Variants in NBR1 observed in about 807,000 individuals in gnomAD.
NBR1 encodes NBR1 autophagy cargo receptor.
NBR1 carries 59 observed loss-of-function variants against 115.5 expected under a neutral mutation model. The observed-to-expected ratio is 0.51, with a 90% CI of 0.41 to 0.63. The LOEUF is 0.63. NBR1 is among the 30% of genes least tolerant of loss of function. The pLI is 0.00. For synonymous variants in NBR1, 373 were observed against 414.7 expected (o/e 0.90, Z 1.22); for missense variants, 1,043 against 1,150.5 (o/e 0.91, Z 1.35).
intron 6 of NBR1, among the ~76,000 whole-genome samples, chr17:43,187,209 C>T (rs1196323247): frequency 1.3e-5 from 2 of 152,080 alleles, no homozygotes. Flanking sequence ...AACGGAGTCT[C>T]ACTCTGTTGC....
At chr17:43,172,048 G>A (rs2056386496) in intron 1 of NBR1, among the ~76,000 whole-genome samples, 1 of 151,978 alleles carries the variant, frequency 6.6e-6, no homozygotes, top group African/African-American at 2.4e-5. Context: ...AAGGGATTTT[G>A]TTGAGGCTGA....
rs2056799924 is a variant in NBR1, at chr17:43,186,318, C to A, written c.276C>A (p.Ala92=). 1 of 1,592,488 alleles carries A rather than the reference C, an allele frequency of 6.3e-7. No homozygotes were observed. The highest frequency in any genetic ancestry group is 8.6e-7 in the Non-Finnish European group (1 of 1,169,550). Residue 92 remains alanine (A), a synonymous_variant, in exon 6 of 21, where the codon GCC becomes GCA. Coordinates refer to ENST00000590996, the MANE Select transcript of NBR1 (RefSeq NM_005899.5). ...VHEGHHVVDE[A]PPPVVGAKRL... ...AAGGGCACCATGTCGTTGATGAAGC[C>A]CCACCCCCAGTTGTAGGAGCAAAAC...
chr17:43,177,961 C>T lies in NBR1; in HGVS notation c.128C>T (p.Thr43Ile), dbSNP rs2056564332. ...GTAAAAGTTTCATTTGATCTGAATA[C>T]TATTCAAATAAAATACCTGGATGAG... is the stretch of plus-strand genomic sequence containing the variant. ...AMVKVSFDLN[T>I]IQIKYLDEEN... The change falls in exon 3 of 21, where the codon ACT becomes ATT. Residue 43 changes from threonine (T) to isoleucine (I), a missense_variant. Thr to Ile is a moderately conservative substitution (Grantham distance 89). Transcript: ENST00000590996. 2 of 1,556,616 alleles carry T rather than the reference C, an allele frequency of 1.3e-6. No individual in the cohort carries two copies. Among genetic ancestry groups the T allele is most frequent in the African/African-American group, 1.4e-5 (1 of 73,798 alleles).
rs1419458815 is a variant in NBR1, at chr17:43,194,463, G to C, written c.1638G>C (p.Glu546Asp). ...CAAAAAATGTTGCCAGTGAGAGGGA[G>C]CTCTACATCCCATCTGTGGATCTTC... ...QKAKNVASER[E>D]LYIPSVDLLT... The change falls in exon 13 of 21, where the codon GAG (glutamate) becomes GAC (aspartate). Residue 546 changes from glutamate to aspartate, a missense_variant. Coordinates refer to ENST00000590996, the MANE Select transcript of NBR1 (RefSeq NM_005899.5). 1.9e-6 allele frequency: 3 copies of C among 1,614,008 alleles called. No homozygotes were observed. In the South Asian group the frequency reaches 3.3e-5, roughly 18 times the overall value.
At position 43,190,735 on chromosome 17, in the gene NBR1, G is replaced by A. The variant is rs371532506; in HGVS notation, c.822G>A (p.Lys274=). Residue 274 remains lysine (K), a synonymous_variant, in exon 9 of 21, where the codon AAG becomes AAA. Transcript: ENST00000590996. ...CCTCTGAACCGTTCTGTCACTCAAAGTACTCTACTCCTCGTCTTCCTGCTG... is the reference window on the plus strand; with the variant it reads ...CCTCTGAACCGTTCTGTCACTCAAAATACTCTACTCCTCGTCTTCCTGCTG... ...VGSSEPFCHS[K]YSTPRLPAAL... The A allele has an allele frequency of 4.2e-5, 68 of 1,613,008 alleles. No individual in the cohort carries two copies. In the African/African-American group the frequency reaches 8.5e-4, roughly 20 times the overall value.
intron 15 of NBR1, 71 bp from the exon 16 acceptor site, chr17:43,196,871 T>C: frequency 6.5e-7 from 1 of 1,536,964 alleles, no homozygotes; most frequent in Non-Finnish European, 8.9e-7. Context: ...AGTTTTAGCA[T>C]GGGTAATGAC....
At chr17:43,171,056 A>G (rs1025953051), upstream of NBR1, 2 of 152,384 alleles carry the variant, frequency 1.3e-5, no homozygotes, top group African/African-American at 2.4e-5. Flanking sequence ...AATGTTTGTT[A>G]TTGTTGTTCG....
At chr17:43,182,538 T>C (rs2056697252) in intron 5 of NBR1, among the ~76,000 whole-genome samples, 1 of 151,552 alleles carries the variant, frequency 6.6e-6, no homozygotes, top group Non-Finnish European at 1.5e-5. Flanking sequence ...CTCTGTTCTC[T>C]ATAGCCCATA....
chr17:43,195,156 G>T, intron 14 of NBR1, 117 bp downstream of exon 14: 1 of 788,676 alleles, frequency 1.3e-6, no homozygotes, highest in Admixed American at 2.6e-5. Context: ...CCCACAGTAG[G>T]ATAGTAAAGC....
At chr17:43,175,770 C>T (rs955946734) in intron 1 of NBR1, 21 bp from the exon 2 acceptor site, 6 of 1,198,316 alleles carry the variant, frequency 5.0e-6, no homozygotes, top group Non-Finnish European at 7.3e-6. Flanking sequence ...CTCTCTCTCC[C>T]ACCAACCTTC....
At chr17:43,185,735 G>T (rs1172638100) in intron 5 of NBR1, among the ~76,000 whole-genome samples, 1 of 152,068 alleles carries the variant, frequency 6.6e-6, no homozygotes, top group Non-Finnish European at 1.5e-5. Flanking sequence ...GGTGGCTCAT[G>T]CCTGTAATCT....
intron 20 of NBR1, 176 bp from the exon 21 acceptor site, chr17:43,209,725 T>A: frequency 2.6e-6 from 4 of 1,527,926 alleles, no homozygotes; most frequent in Non-Finnish European, 3.5e-6. Flanking sequence ...GCCTTCCCAG[T>A]CCGAACCGTT....
rs564816461 is a variant in NBR1 at position 43,210,163 on chromosome 17, T to A, written c.*89T>A. ...TATGGGATAGAAGCCCTTGCTTATT[T>A]TTAATCTGATGAATCTGTATAGAGC... is the stretch of plus-strand genomic sequence containing the variant. On this transcript the variant is annotated 3_prime_UTR_variant, in exon 21 of 21. Coordinates refer to ENST00000590996, the MANE Select transcript of NBR1 (RefSeq NM_005899.5). 586 of 1,287,370 alleles carry A rather than the reference T, an allele frequency of 4.6e-4. 2 individuals carry two copies. The African/African-American group carries it at 7.5e-3, about 16-fold the overall frequency. The allele number at this position is 1,287,370 out of a possible 1,614,324, so 79.7% of individuals were successfully genotyped here.
chr17:43,192,909 T>G (rs1236470509), intron 10 of NBR1, among the ~76,000 whole-genome samples, 185 bp from the exon 11 acceptor site: 2 of 152,150 alleles, frequency 1.3e-5, no homozygotes, highest in Non-Finnish European at 2.9e-5. Context: ...TTTTATTGTT[T>G]TAAGTTTGTC....
chr17:43,205,562 G>A (rs542028983), intron 20 of NBR1, among the ~76,000 whole-genome samples: 6 of 152,148 alleles, frequency 3.9e-5, no homozygotes, highest in South Asian at 2.1e-4. Flanking sequence ...GTGTGAATCC[G>A]GTCTAAGAAG....
intron 5 of NBR1, among the ~76,000 whole-genome samples, chr17:43,184,035 G>A (rs536264805): frequency 4.0e-5 from 6 of 151,180 alleles, no homozygotes; most frequent in South Asian, 2.1e-4. Flanking sequence ...AAATCACTTC[G>A]ATATATTTTT....
rs530084812 is a variant in NBR1 at position 43,193,199 on chromosome 17, C to G, written c.1179C>G (p.Ile393Met). ...ACCTTCAGCCAGGAACCAAGTTTAT[C>G]AAACACTGGAGGATGAAAAATACAG... ...GTHLQPGTKF[I>M]KHWRMKNTGN... The change falls in exon 11 of 21, where the codon ATC (isoleucine) becomes ATG (methionine). Residue 393 changes from isoleucine (I) to methionine (M), a missense_variant. Ile to Met is a conservative substitution (Grantham distance 10, BLOSUM62 1). Coordinates refer to ENST00000590996, the MANE Select transcript of NBR1 (RefSeq NM_005899.5). 215 of 1,613,918 alleles carry G rather than the reference C, an allele frequency of 1.3e-4. 1 individual carries two copies. The South Asian group carries it at 2.1e-3, about 16-fold the overall frequency.
At chr17:43,177,572 A>AACACACACACACACACACACACACACAC (rs60320098) in intron 2 of NBR1, among the ~76,000 whole-genome samples, 11 of 131,258 alleles carry the variant, frequency 8.4e-5, no homozygotes, top group African/African-American at 3.1e-4. Context: ...CCCCACCCAA[A>AACACACACACACACACACACACACACAC]ACACACACAC....
At chr17:43,172,257 G>C (rs2056393394) in intron 1 of NBR1, among the ~76,000 whole-genome samples, 1 of 152,192 alleles carries the variant, frequency 6.6e-6, no homozygotes, top group Non-Finnish European at 1.5e-5. Flanking sequence ...TGCTCCTGCT[G>C]AAAGAATTTT....
Sources: gnomAD v4.1 joint callset for allele counts (sites outside exome capture counted in the v4.1 genomes callset) on GRCh38, gnomAD v4.1.1 for gene constraint, MANE v1.5 for transcripts, NCBI Gene and HGNC (gene_info 2026-07-23, HGNC 2026-07-21) for gene names.